Variants in PRRC2C observed in about 807,000 individuals in gnomAD.
PRRC2C encodes proline rich coiled-coil 2C.
PRRC2C carries 72 observed loss-of-function variants against 317.2 expected under a neutral mutation model. The ratio of observed to expected loss-of-function variants is 0.23; its 90% CI spans 0.19 to 0.28. The LOEUF (loss-of-function observed/expected upper bound fraction) is 0.28, where lower values mean the gene tolerates loss of function less well. Ranked by LOEUF, PRRC2C falls within the 10% of genes least tolerant of loss-of-function variation. The pLI is 1.00. For synonymous variants in PRRC2C, 1,296 were observed against 1,205.9 expected, an observed-to-expected ratio of 1.07 and a Z score of -1.55; for missense variants, 3,074 against 3,459.7, an observed-to-expected ratio of 0.89 and a Z score of 2.80.
chr1:171,589,005 A>C (rs971146878), intron 33 of PRRC2C, among the ~76,000 whole-genome samples: 2 of 152,230 alleles, frequency 1.3e-5, no homozygotes, highest in Non-Finnish European at 2.9e-5. Flanking sequence ...TTGTTGAATT[A>C]GTATTGATTT....
Position 171,584,400 on chromosome 1 carries a change from CT to C in PRRC2C, c.7642-17del. 6.5e-7 allele frequency: 1 copy of C among 1,534,064 alleles called. No individual in the cohort carries two copies. Among genetic ancestry groups the C allele is most frequent in the South Asian group, 1.3e-5 (1 of 79,578 alleles). ...TTTTTTTCAGTCTTACTCATGTTTT[CT>C]TAAAAAATTTTTTCTAGGCCAGAGC... On this transcript the variant is annotated intron_variant, in intron 29 of 34. Transcript: ENST00000647382.
At chr1:171,496,641 C>T (rs1165356279) in intron 1 of PRRC2C, among the ~76,000 whole-genome samples, 1 of 152,166 alleles carries the variant, frequency 6.6e-6, no homozygotes, top group Admixed American at 6.5e-5. Context: ...CACACATGCA[C>T]TCTGTGCTTG....
intron 28 of PRRC2C, among the ~76,000 whole-genome samples, chr1:171,581,732 CAT>C (rs1283049194): frequency 1.3e-5 from 2 of 152,202 alleles, no homozygotes; most frequent in African/African-American, 2.4e-5. Flanking sequence ...GTGTTTGAAA[CAT>C]AAATTATAAG....
chr1:171,584,583 T>G (rs1649425875), intron 30 of PRRC2C, 57 bp downstream of exon 30: 1 of 1,489,566 alleles, frequency 6.7e-7, no homozygotes, highest in South Asian at 1.3e-5. Context: ...TTTATTGCTT[T>G]TGTTATTGTT....
At chr1:171,534,021 C>T (rs1402718068) in intron 12 of PRRC2C, among the ~76,000 whole-genome samples, 6 of 152,144 alleles carry the variant, frequency 3.9e-5, no homozygotes, top group South Asian at 4.1e-4. Context: ...TCTAACCTGA[C>T]GTCTCATGCT....
At chr1:171,530,564 T>A (rs910536747) in intron 11 of PRRC2C, among the ~76,000 whole-genome samples, 6 of 152,126 alleles carry the variant, frequency 3.9e-5, no homozygotes, top group Non-Finnish European at 7.4e-5. Flanking sequence ...ATTTTTATTT[T>A]TTTTTTAATA....
chr1:171,513,516 T>G (rs1671761204), intron 3 of PRRC2C: 5 of 454,626 alleles, frequency 1.1e-5, no homozygotes, highest in Non-Finnish European at 2.2e-5. Context: ...ACTAAGGATG[T>G]CTGTCTGCCA....
At chr1:171,547,705 G>A (rs1312886531) in intron 17 of PRRC2C, among the ~76,000 whole-genome samples, 5 of 144,904 alleles carry the variant, frequency 3.5e-5, no homozygotes, top group Admixed American at 7.1e-5. Context: ...AGGCGGTGGT[G>A]TAATCTCAGC....
intron 3 of PRRC2C, among the ~76,000 whole-genome samples, chr1:171,513,672 T>C (rs1450063811): frequency 6.6e-6 from 1 of 152,212 alleles, no homozygotes; most frequent in African/African-American, 2.4e-5. Flanking sequence ...TTTAGACTTC[T>C]GTATGTCAAG....
rs1219616801 is a variant in PRRC2C at position 171,550,231 on chromosome 1, A to G, written c.5118A>G (p.Gln1706=). 2 of 1,594,930 alleles carry G rather than the reference A, an allele frequency of 1.3e-6. No individual in the cohort carries two copies. The highest frequency in any genetic ancestry group is 2.2e-5 in the East Asian group (1 of 44,464). The change falls in exon 18 of 35, where the codon CAA becomes CAG. Residue 1706 remains glutamine, a synonymous_variant. Transcript: ENST00000647382. ...QDEERRKKEE[Q]VIQVWNKKNA... is the part of the protein sequence containing the mutation. ...AAGAACGCCGAAAGAAGGAAGAACA[A>G]GTCATACAGGTTTAAATCTTGTTTC...
In PRRC2C at chr1:171,575,124, A is replaced by G. The variant is rs373763581; in HGVS notation, c.6951A>G (p.Leu2317=). 6.2e-6 allele frequency: 10 copies of G among 1,612,222 alleles called. No individual in the cohort carries two copies. In the African/African-American group the frequency reaches 9.3e-5, roughly 15 times the overall value. ...PVASVTPTAS[L]SGAGTYTTSS... is the part of the protein sequence containing the mutation. The stretch of plus-strand genomic sequence containing the variant: ...CTTCAGTCACTCCTACAGCATCACT[A>G]TCAGGTAGAACTTTTTCGTTCTGTT... Residue 2317 remains leucine (L), a synonymous_variant, in exon 25 of 35, where the codon CTA becomes CTG. Coordinates refer to ENST00000647382, the MANE Select transcript of PRRC2C (RefSeq NM_001387844.1).
intron 1 of PRRC2C, among the ~76,000 whole-genome samples, chr1:171,493,906 C>T (rs1667631034): frequency 1.3e-5 from 2 of 152,180 alleles, no homozygotes; most frequent in South Asian, 2.1e-4. Context: ...ACAGGCTTTA[C>T]ACTATTCTAA....
intron 28 of PRRC2C, among the ~76,000 whole-genome samples, chr1:171,582,869 AAC>A (rs1648993982): frequency 2.0e-5 from 3 of 151,348 alleles, no homozygotes; most frequent in South Asian, 4.2e-4. Context: ...AAAAAAAAAA[AAC>A]AAATTTTTCT....
chr1:171,534,504 C>T (rs538277964), intron 12 of PRRC2C, among the ~76,000 whole-genome samples: 20 of 151,976 alleles, frequency 1.3e-4, no homozygotes, highest in African/African-American at 4.3e-4. Flanking sequence ...TAGACACATA[C>T]AATTTTTTTG....
intron 21 of PRRC2C, 44 bp from the exon 22 acceptor site, chr1:171,566,548 T>A: frequency 2.0e-6 from 3 of 1,501,178 alleles, no homozygotes; most frequent in East Asian, 4.9e-5. Context: ...TGAAAGATAC[T>A]CATCTATCAT....
chr1:171,494,161 C>T (rs4916388), intron 1 of PRRC2C, among the ~76,000 whole-genome samples: 23,170 of 152,170 alleles, frequency 0.15, 2,376 homozygotes, highest in East Asian at 0.45. Context: ...ATTAAGTAAT[C>T]GGTAGACAGA....
At position 171,536,141 on chromosome 1, in the gene PRRC2C, T is replaced by A. The variant is rs947576490; in HGVS notation, c.2156T>A (p.Leu719His). The A allele has an allele frequency of 6.3e-7, 1 of 1,596,364 alleles. No individual in the cohort carries two copies. The highest frequency in any genetic ancestry group is 1.3e-5 in the African/African-American group (1 of 74,788). Reference protein sequence around the residue: ...STVPPPPHRPLYQPMQPHPQH... With the variant: ...STVPPPPHRPHYQPMQPHPQH... ...GTCCCTCCTCCACCACACAGACCTC[T>A]TTATCAGCCTATGCAGCCTCATCCT... The change falls in exon 14 of 35, where the codon CTT (leucine) becomes CAT (histidine). Residue 719 changes from leucine (L) to histidine (H), a missense_variant. Transcript: ENST00000647382.
rs185482376 is a variant in PRRC2C, at chr1:171,520,182, C to G, written c.751-1995C>G. ...TTCACCATGTTGGCTGGGCTAGTCT[C>G]GATCTCCTGACTTGAGGTGATCCTT... On this transcript the variant is annotated intron_variant, in intron 6 of 34. Transcript: ENST00000647382. Among the ~76,000 whole-genome samples, 11 of 152,238 alleles carry G rather than the reference C, an allele frequency of 7.2e-5. No homozygotes were observed. The East Asian group carries it at 1.9e-3, about 27-fold the overall frequency.
At position 171,558,143 on chromosome 1, in the gene PRRC2C, T is replaced by C. The variant is rs769845897; in HGVS notation, c.6031T>C (p.Leu2011=). 1 of 1,606,974 alleles carries C rather than the reference T, an allele frequency of 6.2e-7. No homozygotes were observed. Among genetic ancestry groups the C allele is most frequent in the East Asian group, 2.2e-5 (1 of 44,804 alleles). The change falls in exon 19 of 35, where the codon TTA becomes CTA. Residue 2011 remains leucine, a splice_region_variant and synonymous_variant. Transcript: ENST00000647382. ...PAVLNDISKK[L]GPISPPQPPS... is the part of the protein sequence containing the mutation. Reference sequence around the variant, plus strand: ...TGTGCTGAATGATATCTCTAAGAAATGTAAGTTGCAAAAGAGAAGTGAGGG... The same window carrying C: ...TGTGCTGAATGATATCTCTAAGAAACGTAAGTTGCAAAAGAGAAGTGAGGG...
Sources: allele counts gnomAD v4.1 joint callset (sites outside exome capture counted in the v4.1 genomes callset), GRCh38; gene constraint gnomAD v4.1.1; transcripts MANE v1.5; gene names NCBI Gene and HGNC (gene_info 2026-07-23, HGNC 2026-07-21).